TRIM4: variants seen among roughly 807,000 people sequenced by gnomAD.
The protein encoded by TRIM4 is E3 ubiquitin-protein ligase TRIM4.
Under a neutral mutation model 33.7 loss-of-function variants are expected in TRIM4, and 29 were observed. That is an observed-to-expected ratio of 0.86 (90% CI 0.64 to 1.17). The LOEUF (loss-of-function observed/expected upper bound fraction) is 1.17. Ranked by LOEUF, TRIM4 falls within the 50% of genes most tolerant of loss-of-function variation. The pLI is 0.00. For missense variants in TRIM4, 554 were observed against 593.7 expected (o/e 0.93, Z 0.69); for synonymous variants, 224 against 233.0 (o/e 0.96, Z 0.35).
chr7:99,901,258 A>T (rs141750801), intron 5 of TRIM4: 20 of 152,352 alleles, frequency 1.3e-4, no homozygotes, highest in African/African-American at 4.8e-4. Flanking sequence ...TCTTCGCCTT[A>T]ATCACATTTT....
intron 1 of TRIM4, among the ~76,000 whole-genome samples, chr7:99,911,526 G>A (rs1242037331): frequency 6.6e-6 from 1 of 152,034 alleles, no homozygotes. Flanking sequence ...AAAATAATCT[G>A]TACAACTTTT....
rs369241114 is a variant in TRIM4, at chr7:99,909,921, A to G, written c.394-261T>C. ...TAATTTTTTTATGTTTCGTAGAGACAAAGTCTCCCTATGTTGCCCAGGCTG... is the reference window on the plus strand; with the variant it reads ...TAATTTTTTTATGTTTCGTAGAGACGAAGTCTCCCTATGTTGCCCAGGCTG... On this transcript the variant is annotated intron_variant, in intron 1 of 5. Transcript: ENST00000349062. 3.0e-4 allele frequency among the ~76,000 whole-genome samples: 46 copies of G among 151,764 alleles called. 1 individual carries two copies. The highest frequency in any genetic ancestry group is 1.1e-3 in the African/African-American group (45 of 41,414).
At chr7:99,906,440 T>C (rs1261711903) in intron 3 of TRIM4, among the ~76,000 whole-genome samples, 4 of 152,034 alleles carry the variant, frequency 2.6e-5, no homozygotes, top group African/African-American at 4.8e-5. Flanking sequence ...GATCCTCCCA[T>C]CTCAGTTTCC....
At chr7:99,898,555 G>C (rs971638152) in intron 5 of TRIM4, among the ~76,000 whole-genome samples, 3 of 152,178 alleles carry the variant, frequency 2.0e-5, no homozygotes, top group African/African-American at 7.2e-5. Context: ...TCACCTGCCG[G>C]ACACATTCTG....
intron 3 of TRIM4, among the ~76,000 whole-genome samples, chr7:99,905,854 CACA>C (rs1338047413): frequency 2.6e-5 from 4 of 152,192 alleles, no homozygotes; most frequent in Non-Finnish European, 5.9e-5. Flanking sequence ...CAAAAATAAG[CACA>C]ACGAGTGCTG....
intron 1 of TRIM4, among the ~76,000 whole-genome samples, chr7:99,917,385 C>T (rs967603581): frequency 6.6e-6 from 1 of 152,202 alleles, no homozygotes; most frequent in Non-Finnish European, 1.5e-5. Context: ...TACAACTGTA[C>T]AGTATTTTAC....
chr7:99,910,948 T>A (rs1819427055), intron 1 of TRIM4, among the ~76,000 whole-genome samples: 1 of 152,198 alleles, frequency 6.6e-6, no homozygotes, highest in Non-Finnish European at 1.5e-5. Flanking sequence ...GGGTCCAGAT[T>A]TAGCCCCTCA....
intron 1 of TRIM4, among the ~76,000 whole-genome samples, chr7:99,915,495 G>C (rs1429192084): frequency 6.6e-6 from 1 of 152,096 alleles, no homozygotes; most frequent in Non-Finnish European, 1.5e-5. Flanking sequence ...GTATAGGATG[G>C]GGATATTTTC....
At chr7:99,910,082 T>C (rs889457368) in intron 1 of TRIM4, among the ~76,000 whole-genome samples, 4 of 152,060 alleles carry the variant, frequency 2.6e-5, no homozygotes, top group South Asian at 2.1e-4. Flanking sequence ...GAGAATGAGA[T>C]TGAAAAAATG....
At chr7:99,914,797 T>C (rs945289734) in intron 1 of TRIM4, among the ~76,000 whole-genome samples, 2 of 151,802 alleles carry the variant, frequency 1.3e-5, no homozygotes, top group Non-Finnish European at 2.9e-5. Context: ...TAGCACTTTT[T>C]CTTTTTTTCT....
chr7:99,908,027 G>A (rs945307487), intron 3 of TRIM4, among the ~76,000 whole-genome samples: 7 of 152,268 alleles, frequency 4.6e-5, no homozygotes, highest in Admixed American at 2.0e-4. Context: ...TCAAAGGAGG[G>A]GCTTTTGATA....
Position 99,919,351 on chromosome 7 carries a change from G to A in TRIM4, c.51C>T (p.Asp17=), listed in dbSNP as rs1459344345. ...QEELTCPICL[D]YFQDPVSIEC... ...CGATGGACACCGGGTCCTGGAAATA[G>A]TCCAGGCAGATGGGGCAGGTCAACT... The change falls in exon 1 of 6, where the codon GAC becomes GAT. Residue 17 remains aspartate (D), a synonymous_variant. Coordinates refer to ENST00000349062, the MANE Select transcript of TRIM4 (RefSeq NM_033091.3). 1.9e-6 allele frequency: 3 copies of A among 1,578,216 alleles called. No homozygotes were observed. Among genetic ancestry groups the A allele is most frequent in the Admixed American group, 3.6e-5 (2 of 55,988 alleles).
chr7:99,903,111 CACTCTATTA>C (rs1241617347), intron 5 of TRIM4, 98 bp downstream of exon 5: 4 of 798,762 alleles, frequency 5.0e-6, no homozygotes, highest in Non-Finnish European at 8.1e-6. Context: ...CCTTTCCTGA[CACTCTATTA>C]GCTGCATGCT....
At chr7:99,905,086 C>T (rs1819268201) in intron 3 of TRIM4, among the ~76,000 whole-genome samples, 1 of 151,192 alleles carries the variant, frequency 6.6e-6, no homozygotes, top group South Asian at 2.1e-4. Context: ...GAAAGGTGTA[C>T]ATACATATAT....
In TRIM4 at chr7:99,892,607, A is replaced by G. The variant is rs1157181644; in HGVS notation, c.981T>C (p.Asn327=). 3.1e-6 allele frequency: 5 copies of G among 1,614,202 alleles called. No homozygotes were observed. The East Asian group carries it at 1.1e-4, about 36-fold the overall frequency. The change falls in exon 6 of 6, where the codon AAT becomes AAC. Residue 327 remains asparagine, a synonymous_variant. Transcript: ENST00000349062. ...SAWNYFAGWR[N]PQKTAFVERF... ...TCTCTACAAAAGCAGTCTTCTGAGG[A>G]TTCCTCCATCCAGCAAAGTAGTTCC...
intron 1 of TRIM4, among the ~76,000 whole-genome samples, chr7:99,917,371 C>G (rs1819578708): frequency 6.6e-6 from 1 of 152,246 alleles, no homozygotes; most frequent in Non-Finnish European, 1.5e-5. Flanking sequence ...TCATAGTCAG[C>G]TGGTACAACT....
At chr7:99,898,070 C>G (rs1819063224) in intron 5 of TRIM4, among the ~76,000 whole-genome samples, 1 of 152,222 alleles carries the variant, frequency 6.6e-6, no homozygotes, top group Non-Finnish European at 1.5e-5. Flanking sequence ...ATCCATGCTG[C>G]TAACTTGAGT....
intron 5 of TRIM4, among the ~76,000 whole-genome samples, chr7:99,895,772 T>C (rs1819003782): frequency 6.6e-6 from 1 of 152,258 alleles, no homozygotes; most frequent in Non-Finnish European, 1.5e-5. Context: ...CTGACCACTT[T>C]ATCATTAGGA....
chr7:99,909,493 C>G, intron 2 of TRIM4, 72 bp downstream of exon 2: 1 of 1,383,134 alleles, frequency 7.2e-7, no homozygotes, highest in South Asian at 1.2e-5. Flanking sequence ...CCAAAAGGAC[C>G]TCAGAAGCAA....
Sources: gnomAD v4.1 joint callset for allele counts (sites outside exome capture counted in the v4.1 genomes callset) on GRCh38, gnomAD v4.1.1 for gene constraint, MANE v1.5 for transcripts, NCBI Gene and HGNC (gene_info 2026-07-23, HGNC 2026-07-21) for gene names.